Variants in TUBGCP6 observed in about 807,000 individuals in gnomAD.
TUBGCP6 encodes the protein tubulin gamma complex component 6.
In TUBGCP6, 161 loss-of-function variants were observed where a neutral mutation model predicts 175.8. The observed-to-expected ratio is 0.92, with a 90% confidence interval of 0.81 to 1.04. TUBGCP6 has a LOEUF of 1.04. Ranked by LOEUF, TUBGCP6 falls within the 50% of genes least tolerant of loss-of-function variation. TUBGCP6 has a pLI of 0.00. For synonymous variants in TUBGCP6, 1,173 were observed against 1,030.5 expected, an observed-to-expected ratio of 1.14 and a Z score of -2.65; for missense variants, 2,572 against 2,433.0, an observed-to-expected ratio of 1.06 and a Z score of -1.20.
In TUBGCP6 at chr22:50,226,300, G is replaced by A. The variant is rs770889679; in HGVS notation, c.1680C>T (p.Tyr560=). 3.1e-6 allele frequency: 5 copies of A among 1,613,834 alleles called. No individual in the cohort carries two copies. The highest frequency in any genetic ancestry group is 4.2e-6 in the Non-Finnish European group (5 of 1,179,996). The change falls in exon 8 of 25, where the codon TAC becomes TAT. Residue 560 remains tyrosine (Y), a synonymous_variant. Transcript: ENST00000248846. ...GCTGCCACCTACCTCGGAAGCTGAG[G>A]TACTCGTGGTTCACCTGAATCATGA... ...GEFMIQVNHE[Y]LSFRDKLYWT...
Position 50,228,018 on chromosome 22 carries a change from C to G in TUBGCP6, c.1301G>C (p.Ser434Thr), listed in dbSNP as rs1457688060. The change falls in exon 5 of 25, where the codon AGT becomes ACT. Residue 434 changes from serine (S) to threonine (T), a missense_variant. Ser to Thr is a moderately conservative substitution (Grantham distance 58). Coordinates refer to ENST00000248846, the MANE Select transcript of TUBGCP6 (RefSeq NM_020461.4). Reference sequence around the variant, plus strand: ...ATACTGCAGGTACCTCCTCAGGCCACTGGTGAAGGCCTGTGGGCAAAGAGG... The same window carrying G: ...ATACTGCAGGTACCTCCTCAGGCCAGTGGTGAAGGCCTGTGGGCAAAGAGG... ...SKGLVFQAFT[S>T]GLRRYLQYYR... is the part of the protein sequence containing the mutation. 1.3e-6 allele frequency: 2 copies of G among 1,557,516 alleles called. No homozygotes were observed. Among genetic ancestry groups the G allele is most frequent in the African/African-American group, 2.7e-5 (2 of 74,182 alleles).
chr22:50,224,190 T>G lies in TUBGCP6; in HGVS notation c.2221A>C (p.Arg741=). 1 of 1,614,110 alleles carries G rather than the reference T, an allele frequency of 6.2e-7. No homozygotes were observed. Among genetic ancestry groups the G allele is most frequent in the Non-Finnish European group, 8.5e-7 (1 of 1,180,016 alleles). The part of the protein sequence containing the change: ...DFSYARELRD[R]ERRLKSLEEE... ...TCCAGGGACTTCAGCCTTCTCTCCCTGTCTCGGAGTTCACGGGCGTAGCTG... is the reference window on the plus strand; with the variant it reads ...TCCAGGGACTTCAGCCTTCTCTCCCGGTCTCGGAGTTCACGGGCGTAGCTG... The change falls in exon 13 of 25, where the codon AGG becomes CGG. Residue 741 remains arginine (R), a synonymous_variant. Coordinates refer to ENST00000248846, the MANE Select transcript of TUBGCP6 (RefSeq NM_020461.4).
At chr22:50,222,197 T>C (rs1435195972) in intron 14 of TUBGCP6, 95 bp from the exon 15 acceptor site, 7 of 1,373,230 alleles carry the variant, frequency 5.1e-6, no homozygotes, top group South Asian at 4.9e-5. Context: ...ATGGCAGCCA[T>C]GTGCACTGAA....
chr22:50,218,807 C>T lies in TUBGCP6; in HGVS notation c.4717G>A (p.Asp1573Asn). The stretch of plus-strand genomic sequence containing the variant: ...GAGAGGTTGGAGGCGTGCGGGGTGT[C>T]CCCATGCAGGCTGCACTGCAGGGCC... The part of the protein sequence containing the change: ...SKALQCSLHG[D>N]TPHASNLSLA... The change falls in exon 21 of 25, where the codon GAC (aspartate) becomes AAC (asparagine). Residue 1573 changes from aspartate (D) to asparagine (N), a missense_variant. Physicochemically the swap from Asp to Asn is conservative, Grantham distance 23 (BLOSUM62 1). Coordinates refer to ENST00000248846, the MANE Select transcript of TUBGCP6 (RefSeq NM_020461.4). 6.2e-7 allele frequency: 1 copy of T among 1,614,114 alleles called. No homozygotes were observed. Among genetic ancestry groups the T allele is most frequent in the Non-Finnish European group, 8.5e-7 (1 of 1,180,008 alleles).
rs1555906399 is a variant in TUBGCP6 at position 50,218,009 on chromosome 22, A to C, written c.5277T>G (p.Pro1759=). ...SQLISQAWGP[P]GGPRGAEHPN... ...GGTGCTCTGCACCCCGCGGGCCCCCAGGGGGCCCCCAGGCCTGGGAGATGA... is the reference window on the plus strand; with the variant it reads ...GGTGCTCTGCACCCCGCGGGCCCCCCGGGGGCCCCCAGGCCTGGGAGATGA... Residue 1759 remains proline (P), a synonymous_variant, in exon 24 of 25, where the codon CCT becomes CCG. Transcript: ENST00000248846. 1 of 1,611,912 alleles carries C rather than the reference A, an allele frequency of 6.2e-7. No individual in the cohort carries two copies. Among genetic ancestry groups the C allele is most frequent in the Non-Finnish European group, 8.5e-7 (1 of 1,179,230 alleles).
Position 50,229,437 on chromosome 22 carries a change from C to T in TUBGCP6, c.1257G>A (p.Leu419=). 6.2e-7 allele frequency: 1 copy of T among 1,613,556 alleles called. No individual in the cohort carries two copies. Among genetic ancestry groups the T allele is most frequent in the Non-Finnish European group, 8.5e-7 (1 of 1,179,920 alleles). The part of the protein sequence containing the change: ...RLSHFSLQPV[L]DSLYSKGLVF... The stretch of plus-strand genomic sequence containing the variant: ...CGAGGCCCTTGCTGTACAAAGAGTC[C>T]AGGACGGGCTGCAGAGAGAAATGAC... Residue 419 remains leucine (L), a synonymous_variant, in exon 4 of 25, where the codon CTG becomes CTA. Transcript: ENST00000248846.
Position 50,218,043 on chromosome 22 carries a change from C to T in TUBGCP6, c.5243G>A (p.Arg1748His), listed in dbSNP as rs749885927. ...HSIFSLVLKF[R>H]SQLISQAWGP... The stretch of plus-strand genomic sequence containing the variant: ...CCAGGCCTGGGAGATGAGCTGGCTG[C>T]GGAACTTGAGCACGAGGCTGAAGAT... The change falls in exon 24 of 25, where the codon CGC (arginine) becomes CAC (histidine). Residue 1748 changes from arginine (R) to histidine (H), a missense_variant. Coordinates refer to ENST00000248846, the MANE Select transcript of TUBGCP6 (RefSeq NM_020461.4). 31 of 1,613,318 alleles carry T rather than the reference C, an allele frequency of 1.9e-5. No individual in the cohort carries two copies. Among genetic ancestry groups the T allele is most frequent in the East Asian group, 2.2e-5 (1 of 44,878 alleles).
At chr22:50,236,260 C>T (rs1049176904) in intron 2 of TUBGCP6, among the ~76,000 whole-genome samples, 2 of 152,042 alleles carry the variant, frequency 1.3e-5, no homozygotes, top group African/African-American at 2.4e-5. Context: ...CTCAGCCTCC[C>T]GAGTAGCTGG....
Position 50,226,785 on chromosome 22 carries a change from G to A in TUBGCP6, c.1549C>T (p.His517Tyr). Residue 517 changes from histidine to tyrosine, a missense_variant, in exon 7 of 25, where the codon CAC becomes TAC. Physicochemically the swap from His to Tyr is moderately conservative, Grantham distance 83. Transcript: ENST00000248846. ...QEALHNCSNE[H>Y]YPVLLSLLKT... ...AGCAGGGACAGCAGTACAGGGTAGTGCTCGTTGCTGCAGTTGTGCAGAGCC... is the reference window on the plus strand; with the variant it reads ...AGCAGGGACAGCAGTACAGGGTAGTACTCGTTGCTGCAGTTGTGCAGAGCC... 4 of 1,593,218 alleles carry A rather than the reference G, an allele frequency of 2.5e-6. No individual in the cohort carries two copies. Among genetic ancestry groups the A allele is most frequent in the South Asian group, 1.1e-5 (1 of 87,490 alleles).
chr22:50,229,212 C>G (rs563456262), intron 4 of TUBGCP6, among the ~76,000 whole-genome samples, 192 bp downstream of exon 4: 1 of 152,264 alleles, frequency 6.6e-6, no homozygotes, highest in South Asian at 2.1e-4. Context: ...CACATCTGCC[C>G]CAAGTTTCTA....
At chr22:50,228,088 G>A (rs1486651495) in intron 4 of TUBGCP6, 60 bp from the exon 5 acceptor site, 7 of 1,464,534 alleles carry the variant, frequency 4.8e-6, no homozygotes, top group Non-Finnish European at 5.4e-6. Flanking sequence ...CGTGCCCAGG[G>A]CCTGAGGGGC....
In TUBGCP6 at chr22:50,244,098, C is replaced by A. The variant is rs767098689; in HGVS notation, c.362G>T (p.Gly121Val). 1 of 1,613,662 alleles carries A rather than the reference C, an allele frequency of 6.2e-7. No homozygotes were observed. The change falls in exon 1 of 25, where the codon GGT becomes GTT. Residue 121 changes from glycine (G) to valine (V), a missense_variant. Coordinates refer to ENST00000248846, the MANE Select transcript of TUBGCP6 (RefSeq NM_020461.4). ...LDLLVQLAGS[G>V]PPQVLPRKRD... ...TTTTCTCGGCAGAACTTGAGGGGGA[C>A]CACTCCCTGCCAGCTGAACCAGGAG...
At chr22:50,222,315 GGA>G (rs921325368) in intron 14 of TUBGCP6, 137 bp downstream of exon 14, 19 of 1,361,066 alleles carry the variant, frequency 1.4e-5, no homozygotes, top group African/African-American at 2.9e-5. Flanking sequence ...TGGCACACGG[GGA>G]GAGAGAGTGC....
chr22:50,226,190 C>CT lies in TUBGCP6; in HGVS notation c.1694-2dup, dbSNP rs1337884108. 5.6e-6 allele frequency: 9 copies of CT among 1,614,032 alleles called. No individual in the cohort carries two copies. The highest frequency in any genetic ancestry group is 7.6e-6 in the Non-Finnish European group (9 of 1,180,038). ...TAGCCATGTGTCCAGTACAACTTAT[C>CT]TAAGGTAGGGTGAACACCACGGTGG... On this transcript the variant is annotated splice_acceptor_variant, in intron 8 of 24. Coordinates refer to ENST00000248846, the MANE Select transcript of TUBGCP6 (RefSeq NM_020461.4). LOFTEE classifies it high-confidence loss of function.
intron 10 of TUBGCP6, 107 bp from the exon 11 acceptor site, chr22:50,224,699 G>C (rs1198972651): frequency 9.0e-7 from 1 of 1,109,084 alleles, no homozygotes; most frequent in Non-Finnish European, 1.3e-6. Context: ...ATGAGCTTAA[G>C]AGTTCAAGAC....
chr22:50,226,640 C>A, intron 7 of TUBGCP6, 93 bp downstream of exon 7: 1 of 1,153,332 alleles, frequency 8.7e-7, no homozygotes, highest in South Asian at 1.4e-5. Context: ...CTGTGTGACC[C>A]CCACATTCAG....
In TUBGCP6 at chr22:50,221,657, G is replaced by A. The variant is rs1244696338; in HGVS notation, c.2702C>T (p.Pro901Leu). ...SDSLSIGDFL[P>L]VGPGAEPSVQ... ...GGACGGCTCAGCCCCTGGGCCCACA[G>A]GTAGGAAGTCTCCAATGCTGAGGCT... Residue 901 changes from proline (P) to leucine (L), a missense_variant, in exon 16 of 25, where the codon CCT (proline) becomes CTT (leucine). Physicochemically the swap from Pro to Leu is moderately conservative, Grantham distance 98 (BLOSUM62 -3). Transcript: ENST00000248846. The A allele has an allele frequency of 1.3e-6, 2 of 1,521,896 alleles. No individual in the cohort carries two copies. Among genetic ancestry groups the A allele is most frequent in the African/African-American group, 2.8e-5 (2 of 71,948 alleles). 94.3% of individuals were successfully genotyped at this position (1,521,896 alleles called of 1,614,324 possible).
rs1280384127 is a variant in TUBGCP6, at chr22:50,219,073, C to CA, written c.4620dup (p.Glu1541Ter). On this transcript the variant is annotated frameshift_variant, in exon 20 of 25. Transcript: ENST00000248846. LOFTEE classifies it high-confidence loss of function. ...ACCCCGTGTCCGGAGGCCACCTTCTCAAAGAGCAGGTCGCTGAGGGACTGG... is the reference window on the plus strand; with the variant it reads ...ACCCCGTGTCCGGAGGCCACCTTCTCAAAAGAGCAGGTCGCTGAGGGACTGG... 1.9e-6 allele frequency: 3 copies of CA among 1,612,246 alleles called. No individual in the cohort carries two copies. Among genetic ancestry groups the CA allele is most frequent in the African/African-American group, 1.3e-5 (1 of 75,044 alleles).
In TUBGCP6 at chr22:50,221,972, G is replaced by C. The variant is rs969726443; in HGVS notation, c.2484+56C>G. On this transcript the variant is annotated intron_variant, in intron 15 of 24. Transcript: ENST00000248846. ...GCTCTGCAGCCATGACCAACACCAG[G>C]TGCCGAGGGCTATGGGAAAACCATA... 3.1e-6 allele frequency: 5 copies of C among 1,605,544 alleles called. No individual in the cohort carries two copies. In the African/African-American group the frequency reaches 6.7e-5, roughly 21 times the overall value.
Sources: allele counts gnomAD v4.1 joint callset (sites outside exome capture counted in the v4.1 genomes callset), GRCh38; gene constraint gnomAD v4.1.1; transcripts MANE v1.5; gene names NCBI Gene and HGNC (gene_info 2026-07-23, HGNC 2026-07-21).